The following THNSL2 variants were observed in gnomAD, a reference collection of about 807,000 sequenced individuals.
The protein encoded by THNSL2 is threonine synthase like 2, also known as threonine synthase-like 2.
In THNSL2, 34 loss-of-function variants were observed where a neutral mutation model predicts 40.0. The observed-to-expected ratio is 0.85, with a 90% CI of 0.65 to 1.13. The LOEUF (loss-of-function observed/expected upper bound fraction) is 1.13, where lower values mean the gene tolerates loss of function less well. THNSL2 is among the 50% of genes most tolerant of loss of function. The pLI, the probability that THNSL2 is intolerant of heterozygous loss-of-function variation, is 0.00. For missense variants in THNSL2, 537 were observed against 608.8 expected (o/e 0.88, Z 1.24); for synonymous variants, 241 against 247.5 (o/e 0.97, Z 0.25).
In THNSL2 at chr2:88,185,415, C is replaced by T. The variant is rs1678170957; in HGVS notation, c.1165C>T (p.Leu389=). 1.9e-6 allele frequency: 3 copies of T among 1,614,078 alleles called. No individual in the cohort carries two copies. The highest frequency in any genetic ancestry group is 1.3e-5 in the African/African-American group (1 of 75,024). Residue 389 remains leucine, a synonymous_variant, in exon 8 of 9, where the codon CTG becomes TTG. Transcript: ENST00000674334. ...GRCWDENQYL[L]CPHSAVAVNY... The stretch of plus-strand genomic sequence containing the variant: ...CTGCTGGGATGAGAACCAGTACTTG[C>T]TGTGCCCCCACTCAGCGGTGGCCGT...
rs535923023 is a variant in THNSL2 at position 88,182,565 on chromosome 2, T to C, written c.803-134T>C. The C allele has an allele frequency of 3.9e-6, 4 of 1,033,566 alleles. 1 individual carries two copies. In the South Asian group the frequency reaches 7.9e-5, roughly 21 times the overall value. 64.0% of individuals were successfully genotyped at this position (1,033,566 alleles called of 1,614,324 possible). A position where few individuals can be genotyped will look rare whatever the true frequency, so the allele number is the denominator to read the frequency against. ...TCTGCGAGTTGCCTTTTCATTTTCT[T>C]GATAGTGTCCTTTTTAAAGCACAAA... On this transcript the variant is annotated intron_variant, in intron 5 of 8. Transcript: ENST00000674334.
chr2:88,177,857 C>A (rs1677103853), intron 4 of THNSL2, among the ~76,000 whole-genome samples: 1 of 152,192 alleles, frequency 6.6e-6, no homozygotes, highest in African/African-American at 2.4e-5. Flanking sequence ...GAGTACCAGG[C>A]ACTGATTGGC....
intron 8 of THNSL2, 106 bp from the exon 9 acceptor site, chr2:88,185,792 C>G: frequency 4.6e-6 from 7 of 1,538,392 alleles, no homozygotes; most frequent in East Asian, 2.5e-5. Flanking sequence ...TCCATACCCC[C>G]CCATCCCTAA....
intron 1 of THNSL2, 77 bp from the exon 2 acceptor site, chr2:88,173,062 C>CTG (rs1676523811): frequency 1.0e-6 from 1 of 990,788 alleles, no homozygotes; most frequent in Non-Finnish European, 1.5e-6. Context: ...AACTGTGAGA[C>CTG]TGTGTGTGCT....
At position 88,185,423 on chromosome 2, in the gene THNSL2, C is replaced by T; in HGVS notation, c.1173C>T (p.Pro391=). ...ATGAGAACCAGTACTTGCTGTGCCC[C>T]CACTCAGCGGTGGCCGTGAACTACC... is the stretch of plus-strand genomic sequence containing the variant. ...CWDENQYLLC[P]HSAVAVNYHY... The change falls in exon 8 of 9, where the codon CCC becomes CCT. Residue 391 remains proline, a synonymous_variant. Coordinates refer to ENST00000674334, the MANE Select transcript of THNSL2 (RefSeq NM_018271.5). 6.2e-7 allele frequency: 1 copy of T among 1,614,050 alleles called. No homozygotes were observed. The highest frequency in any genetic ancestry group is 1.7e-5 in the Admixed American group (1 of 60,002).
chr2:88,177,736 C>CT (rs938228405), intron 4 of THNSL2, among the ~76,000 whole-genome samples: 37 of 152,120 alleles, frequency 2.4e-4, no homozygotes, highest in Non-Finnish European at 4.1e-4. Flanking sequence ...TCCTGTTGCT[C>CT]TTTTTTTTAA....
intron 7 of THNSL2, among the ~76,000 whole-genome samples, chr2:88,184,014 G>A (rs73949235): frequency 0.024 from 3,603 of 152,242 alleles, 146 homozygotes; most frequent in African/African-American, 0.082. Context: ...CATTTACCAA[G>A]TTAGTCTTCC....
intron 4 of THNSL2, 90 bp from the exon 5 acceptor site, chr2:88,178,693 A>G: frequency 7.0e-7 from 1 of 1,418,788 alleles, no homozygotes; most frequent in Non-Finnish European, 9.9e-7. Context: ...GGGTGGGCTC[A>G]GCCTGGGAGG....
rs1677828459 is a variant in THNSL2 at position 88,182,757 on chromosome 2, C to T, written c.861C>T (p.Arg287=). 1.2e-6 allele frequency: 2 copies of T among 1,614,062 alleles called. No homozygotes were observed. The highest frequency in any genetic ancestry group is 1.3e-5 in the African/African-American group (1 of 74,914). Residue 287 remains arginine, a synonymous_variant, in exon 6 of 9, where the codon CGC becomes CGT. Transcript: ENST00000674334. The part of the protein sequence containing the change: ...LPIRLVVAVN[R]NDIIHRTVQQ... ...TCCGTCTGGTCGTGGCAGTGAACCG[C>T]AATGACATCATCCACAGGACTGTCC...
intron 4 of THNSL2, 107 bp from the exon 5 acceptor site, chr2:88,178,676 C>A: frequency 1.7e-6 from 2 of 1,188,020 alleles, no homozygotes; most frequent in South Asian, 1.3e-5. Flanking sequence ...GCGCGAAGGT[C>A]CCAGGAGGGT....
In THNSL2 at chr2:88,178,905, A is replaced by G. The variant is rs1677233384; in HGVS notation, c.694A>G (p.Met232Val). Reference sequence around the variant, plus strand: ...CAACTGGTCCCGGGTCCTGGTGCAGATGGCCCATCACTTCTTTGCTTACTT... The same window carrying G: ...CAACTGGTCCCGGGTCCTGGTGCAGGTGGCCCATCACTTCTTTGCTTACTT... ...SINWSRVLVQMAHHFFAYFQC... is the reference protein window; with the variant it reads ...SINWSRVLVQVAHHFFAYFQC... The change falls in exon 5 of 9, where the codon ATG (methionine) becomes GTG (valine). Residue 232 changes from methionine (M) to valine (V), a missense_variant. Met to Val is a conservative substitution (Grantham distance 21). Coordinates refer to ENST00000674334, the MANE Select transcript of THNSL2 (RefSeq NM_018271.5). 6.2e-7 allele frequency: 1 copy of G among 1,614,192 alleles called. No homozygotes were observed.
chr2:88,174,902 C>A, intron 3 of THNSL2, 69 bp downstream of exon 3: 1 of 1,539,396 alleles, frequency 6.5e-7, no homozygotes, highest in Admixed American at 1.7e-5. Context: ...CTATAGGATG[C>A]TGTTCATAGA....
At position 88,173,338 on chromosome 2, in the gene THNSL2, T is replaced by C. The variant is rs1676562106; in HGVS notation, c.188T>C (p.Ile63Thr). ...GLVKELCALF[I>T]GSELLPKDEL... ...GTGAAGGAGCTGTGTGCCCTCTTCA[T>C]TGGCTCTGAGCTCCTTCCAAAAGAT... is the stretch of plus-strand genomic sequence containing the variant. Residue 63 changes from isoleucine to threonine, a missense_variant, in exon 2 of 9, where the codon ATT becomes ACT. Physicochemically the swap from Ile to Thr is moderately conservative, Grantham distance 89 (BLOSUM62 -1). Coordinates refer to ENST00000674334, the MANE Select transcript of THNSL2 (RefSeq NM_018271.5). 3.1e-6 allele frequency: 5 copies of C among 1,611,246 alleles called. No homozygotes were observed. The highest frequency in any genetic ancestry group is 1.7e-6 in the Non-Finnish European group (2 of 1,179,184).
rs547723340 is a variant in THNSL2, at chr2:88,175,253, A to T, written c.423A>T (p.Thr141=). The T allele has an allele frequency of 6.8e-6, 11 of 1,614,054 alleles. No individual in the cohort carries two copies. Among genetic ancestry groups the T allele is most frequent in the African/African-American group, 5.3e-5 (4 of 75,066 alleles). The change falls in exon 4 of 9, where the codon ACA becomes ACT. Residue 141 remains threonine, a synonymous_variant. Transcript: ENST00000674334. ...TTCTCCTTTCTTCCCATCCAGGAAC[A>T]TCTGGGGACACAGGAAGTGCTGCCA... ...REKHVTVVVG[T]SGDTGSAAIE...
chr2:88,176,736 T>C (rs1676978734), intron 4 of THNSL2: 1 of 152,256 alleles, frequency 6.6e-6, no homozygotes, highest in South Asian at 2.1e-4. Context: ...CTCTGTTCTT[T>C]AGCAGGTGCA....
In THNSL2 at chr2:88,182,697, A is replaced by AG; in HGVS notation, c.803-1dup. ...ATTGTTCTCCTCCTCTCTTGTCTTA[A>AG]GCTGGGTACATTGCTCAAAAGATAG... On this transcript the variant is annotated splice_acceptor_variant, in intron 5 of 8. Coordinates refer to ENST00000674334, the MANE Select transcript of THNSL2 (RefSeq NM_018271.5). LOFTEE classifies it high-confidence loss of function. 6.3e-7 allele frequency: 1 copy of AG among 1,597,992 alleles called. No homozygotes were observed. The highest frequency in any genetic ancestry group is 2.2e-5 in the East Asian group (1 of 44,586).
At chr2:88,182,587 C>A in intron 5 of THNSL2, 112 bp from the exon 6 acceptor site, 2 of 1,279,842 alleles carry the variant, frequency 1.6e-6, no homozygotes, top group Non-Finnish European at 2.1e-6. Flanking sequence ...TTTTAAAGCA[C>A]AAAAGCTTCA....
At chr2:88,179,060 T>G (rs773757677) in intron 5 of THNSL2, 47 bp downstream of exon 5, 1 of 1,586,794 alleles carries the variant, frequency 6.3e-7, no homozygotes, top group African/African-American at 1.3e-5. Flanking sequence ...AAAATGCCTG[T>G]GGCCCCAGTC....
rs1276813963 is a variant in THNSL2 at position 88,170,443 on chromosome 2, C to CGCGCCCCGCGCCCCGCGCCCG, written c.-17_-16insGCCCCGCGCCCGGCGCCCCGC. 7.9e-6 allele frequency: 1 copy of CGCGCCCCGCGCCCCGCGCCCG among 126,498 alleles called. No individual in the cohort carries two copies. The highest frequency in any genetic ancestry group is 8.2e-5 in the Admixed American group (1 of 12,166). 7.8% of individuals were successfully genotyped at this position (126,498 alleles called of 1,614,324 possible). A position where few individuals can be genotyped will look rare whatever the true frequency, so the allele number is the denominator to read the frequency against. On this transcript the variant is annotated 5_prime_UTR_variant, in exon 1 of 9. Transcript: ENST00000674334. Reference sequence around the variant, plus strand: ...GCCCCGCGCCCCGCGCCCCGCGCCCCGCGCCCCGCACCGGTAACGCGCGCC... The same window carrying CGCGCCCCGCGCCCCGCGCCCG: ...GCCCCGCGCCCCGCGCCCCGCGCCCCGCGCCCCGCGCCCCGCGCCCGGCGCCCCGCACCGGTAACGCGCGCC...
Sources: gnomAD v4.1 joint callset for allele counts (sites outside exome capture counted in the v4.1 genomes callset) on GRCh38, gnomAD v4.1.1 for gene constraint, MANE v1.5 for transcripts, NCBI Gene and HGNC (gene_info 2026-07-23, HGNC 2026-07-21) for gene names.